ULK4: variants seen among roughly 807,000 people sequenced by gnomAD.
The protein encoded by ULK4 is unc-51 like kinase 4, also known as inactive serine/threonine-protein kinase ULK4.
A neutral mutation model predicts 160.6 loss-of-function variants in ULK4; 133 were observed. The ratio of observed to expected loss-of-function variants is 0.83; its 90% CI spans 0.72 to 0.96. The LOEUF is 0.96. Among genes scored for constraint, ULK4 ranks in the 40% least tolerant of loss-of-function variants. The pLI is 0.00. For missense variants in ULK4, 1,580 were observed against 1,499.5 expected, an observed-to-expected ratio of 1.05 and a Z score of -0.89; for synonymous variants, 534 against 539.8, an observed-to-expected ratio of 0.99 and a Z score of 0.15.
intron 17 of ULK4, among the ~76,000 whole-genome samples, chr3:41,855,980 T>C (rs1286969841): frequency 6.6e-6 from 1 of 152,170 alleles, no homozygotes; most frequent in Non-Finnish European, 1.5e-5. Flanking sequence ...TAAAAATTGT[T>C]CTATGAGACG....
chr3:41,634,153 T>C (rs2033860328), intron 30 of ULK4, among the ~76,000 whole-genome samples: 1 of 152,218 alleles, frequency 6.6e-6, no homozygotes, highest in East Asian at 1.9e-4. Flanking sequence ...ACCTGATGGA[T>C]GGCCTAATGC....
chr3:41,676,912 T>TTTTTC (rs1472245369), intron 29 of ULK4, among the ~76,000 whole-genome samples: 3 of 142,450 alleles, frequency 2.1e-5, no homozygotes, highest in African/African-American at 8.1e-5. Context: ...CCCAACCTTT[T>TTTTTC]TTTTTTTTTT....
intron 32 of ULK4, among the ~76,000 whole-genome samples, chr3:41,491,490 C>T (rs1049017338): frequency 2.0e-5 from 3 of 151,826 alleles, no homozygotes; most frequent in Admixed American, 6.6e-5. Context: ...AAAATCTACA[C>T]AAAAATATAT....
At chr3:41,785,838 C>A (rs2039983825) in intron 21 of ULK4, among the ~76,000 whole-genome samples, 1 of 152,192 alleles carries the variant, frequency 6.6e-6, no homozygotes, top group Non-Finnish European at 1.5e-5. Context: ...CTTCTTCCAA[C>A]TGCCCAGGTT....
chr3:41,263,421 T>C (rs2078980086), intron 35 of ULK4, among the ~76,000 whole-genome samples: 1 of 151,978 alleles, frequency 6.6e-6, no homozygotes, highest in Non-Finnish European at 1.5e-5. Flanking sequence ...TCCCACTGGA[T>C]GGAGGGAAGC....
chr3:41,667,306 T>A (rs2035378962), intron 29 of ULK4, among the ~76,000 whole-genome samples: 1 of 152,194 alleles, frequency 6.6e-6, no homozygotes, highest in Non-Finnish European at 1.5e-5. Flanking sequence ...AGAATTTTCA[T>A]AAAGAATATC....
chr3:41,296,774 G>A (rs1160536131), intron 35 of ULK4, among the ~76,000 whole-genome samples: 1 of 152,048 alleles, frequency 6.6e-6, no homozygotes, highest in Non-Finnish European at 1.5e-5. Flanking sequence ...ACTGCAGAAG[G>A]CCTTGAGTCC....
chr3:41,565,197 C>T (rs1010251269), intron 32 of ULK4, among the ~76,000 whole-genome samples: 2 of 152,184 alleles, frequency 1.3e-5, no homozygotes, highest in African/African-American at 4.8e-5. Flanking sequence ...TGATGTGTAT[C>T]TCAGAACAGA....
At chr3:41,838,136 GCA>G (rs2041811968) in intron 17 of ULK4, among the ~76,000 whole-genome samples, 1 of 152,180 alleles carries the variant, frequency 6.6e-6, no homozygotes, top group Non-Finnish European at 1.5e-5. Flanking sequence ...ACTGTCACCA[GCA>G]CACTACTCTA....
At chr3:41,309,410 A>T (rs932233128) in intron 35 of ULK4, among the ~76,000 whole-genome samples, 1 of 152,140 alleles carries the variant, frequency 6.6e-6, no homozygotes, top group Non-Finnish European at 1.5e-5. Flanking sequence ...TGATCATTGC[A>T]TACTACAATC....
rs116005064 is a variant in ULK4, at chr3:41,913,127, A to C, written c.804-228T>G. On this transcript the variant is annotated intron_variant, in intron 8 of 36. Transcript: ENST00000301831. ...ATGGTACAGAATGAAACAGTCTGAT[A>C]ACTAAGCATTAGAAGTTTCAGGGTT... 4.0e-3 allele frequency: 1,509 copies of C among 375,950 alleles called. 19 individuals carry two copies. Among genetic ancestry groups the C allele is most frequent in the African/African-American group, 0.029 (1,406 of 48,358 alleles). 23.3% of individuals were successfully genotyped at this position (375,950 alleles called of 1,614,324 possible).
At chr3:41,472,217 G>A (rs1346728765) in intron 32 of ULK4, among the ~76,000 whole-genome samples, 2 of 151,916 alleles carry the variant, frequency 1.3e-5, no homozygotes, top group Admixed American at 6.6e-5. Context: ...TTGAATAACC[G>A]AGAAGAAAGG....
At chr3:41,257,152 G>A (rs1608726) in intron 35 of ULK4, among the ~76,000 whole-genome samples, 85,119 of 152,080 alleles carry the variant, frequency 0.56, 24,510 homozygotes, top group African/African-American at 0.69. Context: ...ATAACTCAAC[G>A]TTGTTTGTCA....
At chr3:41,689,100 C>T (rs2036196644) in intron 27 of ULK4, among the ~76,000 whole-genome samples, 1 of 152,174 alleles carries the variant, frequency 6.6e-6, no homozygotes, top group Admixed American at 6.5e-5. Context: ...TCCAGTTTCC[C>T]CTGCCAAATA....
At chr3:41,758,088 A>G (rs2038866251) in intron 21 of ULK4, among the ~76,000 whole-genome samples, 1 of 152,162 alleles carries the variant, frequency 6.6e-6, no homozygotes, top group Non-Finnish European at 1.5e-5. Flanking sequence ...ACCCTTATAA[A>G]AGAGGCCTGA....
chr3:41,882,002 C>T, intron 17 of ULK4: 1 of 527,970 alleles, frequency 1.9e-6, no homozygotes, highest in Non-Finnish European at 3.4e-6. Context: ...GCAGCAGCAA[C>T]AGCAAGTACC....
At chr3:41,556,037 T>G (rs561343863) in intron 32 of ULK4, among the ~76,000 whole-genome samples, 29 of 151,636 alleles carry the variant, frequency 1.9e-4, no homozygotes, top group Non-Finnish European at 3.8e-4. Context: ...GGGTGGAGGG[T>G]GGGAAGAGAA....
rs184238607 is a variant in ULK4 at position 41,764,691 on chromosome 3, T to G, written c.2194-10203A>C. 7.2e-5 allele frequency among the ~76,000 whole-genome samples: 11 copies of G among 152,314 alleles called. No homozygotes were observed. In the East Asian group the frequency reaches 1.9e-3, roughly 27 times the overall value. On this transcript the variant is annotated intron_variant, in intron 21 of 36. Transcript: ENST00000301831. ...GCAGTATAACATGCTGGCAAAGAATTTGAGCTTTGGAATCAGGAAGACCTG... is the reference window on the plus strand; with the variant it reads ...GCAGTATAACATGCTGGCAAAGAATGTGAGCTTTGGAATCAGGAAGACCTG...
chr3:41,919,628 A>G, intron 6 of ULK4, 89 bp downstream of exon 6: 2 of 1,109,750 alleles, frequency 1.8e-6, no homozygotes, highest in Non-Finnish European at 2.6e-6. Flanking sequence ...TAGTTTTTTC[A>G]CATCTTATAG....
Sources: allele counts gnomAD v4.1 joint callset (sites outside exome capture counted in the v4.1 genomes callset), GRCh38; gene constraint gnomAD v4.1.1; transcripts MANE v1.5; gene names NCBI Gene and HGNC (gene_info 2026-07-23, HGNC 2026-07-21).